The following IQCM variants were observed in gnomAD, a reference collection of about 807,000 sequenced individuals.
IQCM encodes the protein IQ motif containing M, also known as IQ domain-containing protein M.
A neutral mutation model predicts 57.6 loss-of-function variants in IQCM; 45 were observed. The ratio of observed to expected loss-of-function variants is 0.78; its 90% CI spans 0.62 to 1.00. The LOEUF (loss-of-function observed/expected upper bound fraction) is 1.00, where lower values mean the gene tolerates loss of function less well. Ranked by LOEUF, IQCM falls within the 50% of genes least tolerant of loss-of-function variation. The pLI is 0.00. For missense variants in IQCM, 468 were observed against 511.6 expected (o/e 0.91, Z 0.82); for synonymous variants, 148 against 158.9 (o/e 0.93, Z 0.51).
At chr4:149,404,930 C>A (rs1483746843) in intron 13 of IQCM, among the ~76,000 whole-genome samples, 3 of 151,918 alleles carry the variant, frequency 2.0e-5, no homozygotes, top group African/African-American at 7.2e-5. Flanking sequence ...TTCTATATAG[C>A]AAGCATAATT....
At chr4:149,651,601 C>T (rs1475786386) in intron 7 of IQCM, among the ~76,000 whole-genome samples, 1 of 151,972 alleles carries the variant, frequency 6.6e-6, no homozygotes, top group Non-Finnish European at 1.5e-5. Context: ...AATGAACTAA[C>T]ATACAAGGTG....
intron 10 of IQCM, among the ~76,000 whole-genome samples, chr4:149,562,839 T>C (rs747644938): frequency 6.6e-6 from 1 of 152,190 alleles, no homozygotes; most frequent in Non-Finnish European, 1.5e-5. Context: ...ACTCTAACAG[T>C]ATCACCACAT....
intron 8 of IQCM, among the ~76,000 whole-genome samples, chr4:149,598,421 G>T (rs1367373188): frequency 6.6e-6 from 1 of 152,018 alleles, no homozygotes. Context: ...AAATATAAAT[G>T]CCAAGCTAGC....
chr4:149,582,349 T>A (rs1579575300), intron 9 of IQCM, among the ~76,000 whole-genome samples: 1 of 51,628 alleles, frequency 1.9e-5, no homozygotes, highest in Non-Finnish European at 4.7e-5. Flanking sequence ...TATATATATA[T>A]ATATATATAT....
chr4:149,396,656 T>A (rs2111109771), intron 13 of IQCM, among the ~76,000 whole-genome samples: 1 of 152,140 alleles, frequency 6.6e-6, no homozygotes, highest in South Asian at 2.1e-4. Context: ...AGTGGATCTC[T>A]AGAGCTTATT....
intron 12 of IQCM, among the ~76,000 whole-genome samples, chr4:149,501,207 C>T (rs1157498734): frequency 4.6e-5 from 7 of 152,160 alleles, no homozygotes; most frequent in Admixed American, 4.6e-4. Context: ...ATTGCCTCCA[C>T]TAAGGAGCTG....
chr4:149,412,315 C>G (rs1733443130), intron 13 of IQCM, among the ~76,000 whole-genome samples: 1 of 152,120 alleles, frequency 6.6e-6, no homozygotes, highest in African/African-American at 2.4e-5. Context: ...TTCTTCCCTA[C>G]AGTACTTAAA....
At chr4:149,627,966 A>T (rs1482562485) in intron 7 of IQCM, among the ~76,000 whole-genome samples, 2 of 152,190 alleles carry the variant, frequency 1.3e-5, no homozygotes, top group South Asian at 2.1e-4. Context: ...TGGCCTCCAG[A>T]AGCTGGAAAA....
chr4:149,390,058 G>C (rs548040010), intron 13 of IQCM, among the ~76,000 whole-genome samples: 23 of 152,054 alleles, frequency 1.5e-4, no homozygotes, highest in African/African-American at 5.5e-4. Flanking sequence ...AGGTTGGAGA[G>C]ACCACCATCT....
intron 12 of IQCM, among the ~76,000 whole-genome samples, chr4:149,530,789 A>ACC (rs1342642516): frequency 5.2e-3 from 60 of 11,480 alleles, no homozygotes; most frequent in Non-Finnish European, 8.9e-3. Context: ...AGACACAGAC[A>ACC]CCCCCACCCC....
chr4:149,401,346 A>G (rs955783025), intron 13 of IQCM, among the ~76,000 whole-genome samples: 3 of 151,890 alleles, frequency 2.0e-5, no homozygotes, highest in African/African-American at 7.2e-5. Flanking sequence ...AATGGTCTTT[A>G]TATTTTAGTG....
chr4:149,735,956 T>C (rs1056010594), intron 3 of IQCM, among the ~76,000 whole-genome samples: 1 of 151,744 alleles, frequency 6.6e-6, no homozygotes, highest in Non-Finnish European at 1.5e-5. Context: ...ACTTTTTTTT[T>C]TTTTTTTGTG....
intron 12 of IQCM, among the ~76,000 whole-genome samples, chr4:149,457,331 A>G (rs1737809695): frequency 2.6e-5 from 4 of 152,024 alleles, no homozygotes; most frequent in Admixed American, 1.3e-4. Flanking sequence ...AGCTTCCTCA[A>G]TACTTAGTGA....
chr4:149,626,016 T>C (rs1756762981), intron 7 of IQCM, among the ~76,000 whole-genome samples: 1 of 152,106 alleles, frequency 6.6e-6, no homozygotes, highest in South Asian at 2.1e-4. Flanking sequence ...TGGTTAATAA[T>C]GAGTGTCAAC....
chr4:149,696,226 A>G (rs1288093677), intron 5 of IQCM, among the ~76,000 whole-genome samples: 1 of 152,152 alleles, frequency 6.6e-6, no homozygotes, highest in East Asian at 1.9e-4. Context: ...TAGCACACCC[A>G]ATGAACAAGT....
intron 8 of IQCM, among the ~76,000 whole-genome samples, chr4:149,610,991 T>C (rs1042835711): frequency 1.3e-5 from 2 of 152,022 alleles, no homozygotes; most frequent in Non-Finnish European, 2.9e-5. Flanking sequence ...CCAAAATATA[T>C]AAAAAGCTCA....
At chr4:149,509,248 A>C (rs1336627814) in intron 12 of IQCM, among the ~76,000 whole-genome samples, 1 of 151,924 alleles carries the variant, frequency 6.6e-6, no homozygotes, top group Non-Finnish European at 1.5e-5. Flanking sequence ...TGAAGTTTTG[A>C]TATTAGATTA....
At chr4:149,354,944 T>C (rs1190139986) in intron 13 of IQCM, among the ~76,000 whole-genome samples, 1 of 152,158 alleles carries the variant, frequency 6.6e-6, no homozygotes, top group Non-Finnish European at 1.5e-5. Context: ...ATGGGAACAC[T>C]CTACTTTCCA....
chr4:149,581,612 C>T (rs1752189908), intron 9 of IQCM, among the ~76,000 whole-genome samples: 1 of 151,374 alleles, frequency 6.6e-6, no homozygotes, highest in South Asian at 2.1e-4. Context: ...GAGTTATTGC[C>T]CTTGGGAAGT....
Sources: gnomAD v4.1 joint callset for allele counts (sites outside exome capture counted in the v4.1 genomes callset) on GRCh38, gnomAD v4.1.1 for gene constraint, MANE v1.5 for transcripts, NCBI Gene and HGNC (gene_info 2026-07-23, HGNC 2026-07-21) for gene names.